Variants in NHSL1 observed in about 807,000 individuals in gnomAD.
NHSL1 encodes NHS-like protein 1.
A neutral mutation model predicts 95.0 loss-of-function variants in NHSL1; 48 were observed. The ratio of observed to expected loss-of-function variants is 0.51; its 90% CI spans 0.40 to 0.64. The LOEUF (loss-of-function observed/expected upper bound fraction) is 0.64. Among genes scored for constraint, NHSL1 ranks in the 30% least tolerant of loss-of-function variants. NHSL1 has a pLI of 0.00. For missense variants in NHSL1, 1,971 were observed against 2,077.7 expected (o/e 0.95, Z 1.00); for synonymous variants, 783 against 833.9 (o/e 0.94, Z 1.05).
At chr6:138,559,721 C>A (rs979564919) in intron 1 of NHSL1, among the ~76,000 whole-genome samples, 2 of 152,140 alleles carry the variant, frequency 1.3e-5, no homozygotes, top group African/African-American at 4.8e-5. Context: ...GTGAAGTCTA[C>A]CGAAAGCACC....
chr6:138,662,180 C>A (rs936700493), intron 1 of NHSL1, among the ~76,000 whole-genome samples: 1 of 151,200 alleles, frequency 6.6e-6, no homozygotes, highest in Non-Finnish European at 1.5e-5. Context: ...TAATCCTTTG[C>A]CCTAAATAGT....
chr6:138,623,464 A>G (rs1784693323), intron 1 of NHSL1, among the ~76,000 whole-genome samples: 1 of 152,188 alleles, frequency 6.6e-6, no homozygotes, highest in East Asian at 1.9e-4. Context: ...ATATGTATAT[A>G]TTATAGAATG....
chr6:138,468,923 G>A (rs1414026548), intron 3 of NHSL1, among the ~76,000 whole-genome samples: 2 of 152,170 alleles, frequency 1.3e-5, no homozygotes, highest in African/African-American at 4.8e-5. Flanking sequence ...TTGCTTTACT[G>A]TTACATCTCC....
intron 4 of NHSL1, among the ~76,000 whole-genome samples, chr6:138,444,843 T>C (rs1776759592): frequency 6.6e-6 from 1 of 152,216 alleles, no homozygotes; most frequent in Admixed American, 6.5e-5. Flanking sequence ...AATATGTGTG[T>C]ATATGTGAAC....
At chr6:138,516,300 T>C (rs766627504) in intron 1 of NHSL1, among the ~76,000 whole-genome samples, 5 of 152,138 alleles carry the variant, frequency 3.3e-5, no homozygotes, top group Non-Finnish European at 7.3e-5. Flanking sequence ...AGATAACAGC[T>C]CCTTTGGCCA....
At chr6:138,584,582 A>T (rs923741044) in intron 1 of NHSL1, among the ~76,000 whole-genome samples, 5 of 152,218 alleles carry the variant, frequency 3.3e-5, no homozygotes, top group Non-Finnish European at 4.4e-5. Flanking sequence ...TTATTCAATA[A>T]GGAGAAATGT....
intron 1 of NHSL1, among the ~76,000 whole-genome samples, chr6:138,653,717 C>T (rs576624935): frequency 6.6e-6 from 1 of 152,312 alleles, no homozygotes; most frequent in South Asian, 2.1e-4. Context: ...ATTCTCCATA[C>T]CAGCATTCCA....
intron 2 of NHSL1, among the ~76,000 whole-genome samples, chr6:138,476,216 T>G (rs556019797): frequency 6.6e-6 from 1 of 152,338 alleles, no homozygotes; most frequent in South Asian, 2.1e-4. Flanking sequence ...ACAGCACTAT[T>G]CACAACAGCA....
At chr6:138,627,785 G>C (rs1784762132) in intron 1 of NHSL1, among the ~76,000 whole-genome samples, 1 of 152,134 alleles carries the variant, frequency 6.6e-6, no homozygotes. Flanking sequence ...GGAGGCTGAG[G>C]CAGGAGAATC....
chr6:138,573,415 C>T (rs77723439), upstream of NHSL1, among the ~76,000 whole-genome samples: 13,744 of 152,180 alleles, frequency 0.09, 606 homozygotes, highest in Middle Eastern at 0.14. Flanking sequence ...CTTTGCTTTA[C>T]TCAGCATCGA....
At chr6:138,436,684 A>G (rs1203556672) in intron 5 of NHSL1, among the ~76,000 whole-genome samples, 1 of 152,250 alleles carries the variant, frequency 6.6e-6, no homozygotes, top group African/African-American at 2.4e-5. Context: ...GTCATCTAGG[A>G]CTTTCAAAGC....
At chr6:138,670,910 C>A (rs1364592880) in intron 1 of NHSL1, among the ~76,000 whole-genome samples, 1 of 151,776 alleles carries the variant, frequency 6.6e-6, no homozygotes, top group African/African-American at 2.4e-5. Context: ...AATCCCAGCA[C>A]CCTGGGAGGC....
chr6:138,686,772 G>T (rs933396073), intron 1 of NHSL1, among the ~76,000 whole-genome samples: 1 of 152,180 alleles, frequency 6.6e-6, no homozygotes, highest in Non-Finnish European at 1.5e-5. Context: ...CTTTCTAGAC[G>T]ATTGCAGTGC....
chr6:138,443,405 G>A (rs141894376), intron 4 of NHSL1, among the ~76,000 whole-genome samples: 2 of 152,306 alleles, frequency 1.3e-5, no homozygotes, highest in African/African-American at 2.4e-5. Flanking sequence ...AAACTGGGTC[G>A]CTAAGTGCAA....
At chr6:138,425,399 T>A (rs939363581) in intron 7 of NHSL1, among the ~76,000 whole-genome samples, 1 of 152,136 alleles carries the variant, frequency 6.6e-6, no homozygotes, top group Admixed American at 6.5e-5. Context: ...GCCTGGCAAA[T>A]AATTTATTTT....
intron 5 of NHSL1, among the ~76,000 whole-genome samples, chr6:138,438,292 T>C (rs1776313321): frequency 6.6e-6 from 1 of 152,212 alleles, no homozygotes; most frequent in Non-Finnish European, 1.5e-5. Context: ...AGATGACAAC[T>C]GTCTGTAGGC....
chr6:138,617,194 T>C lies in NHSL1; in HGVS notation c.96+75282A>G, dbSNP rs79872327. Among the ~76,000 whole-genome samples the C allele has an allele frequency of 1.0e-3, 153 of 152,208 alleles. 2 individuals carry two copies. In the East Asian group the frequency reaches 0.027, roughly 27 times the overall value. On this transcript the variant is annotated intron_variant, in intron 1 of 3. Transcript: ENST00000491526. ...GACCACATGGCAATGGTGAGACATA[T>C]AGAATGGGACTTTTATATCATAATG...
chr6:138,614,579 C>T (rs962632069), intron 1 of NHSL1, among the ~76,000 whole-genome samples: 2 of 152,190 alleles, frequency 1.3e-5, no homozygotes, highest in African/African-American at 4.8e-5. Flanking sequence ...AAGGTAGCTA[C>T]TACCCATATT....
chr6:138,464,293 G>A (rs1336339438), intron 3 of NHSL1: 5 of 735,320 alleles, frequency 6.8e-6, no homozygotes, highest in African/African-American at 3.5e-5. Context: ...CCCTGGTGTC[G>A]TGGGCGGACT....
Sources: gnomAD v4.1 joint callset for allele counts (sites outside exome capture counted in the v4.1 genomes callset) on GRCh38, gnomAD v4.1.1 for gene constraint, MANE v1.5 for transcripts, NCBI Gene and HGNC (gene_info 2026-07-23, HGNC 2026-07-21) for gene names.